The following LOXL2 variants were observed in gnomAD, a reference collection of about 807,000 sequenced individuals.
LOXL2 encodes the protein lysyl oxidase homolog 2.
LOXL2 carries 70 observed loss-of-function variants against 93.0 expected under a neutral mutation model. The observed-to-expected ratio is 0.75, with a 90% confidence interval of 0.62 to 0.92. LOXL2 has a LOEUF of 0.92. LOXL2 is among the 40% of genes least tolerant of loss of function. LOXL2 has a pLI of 0.00. For missense variants in LOXL2, 973 were observed against 1,054.9 expected (o/e 0.92, Z 1.08); for synonymous variants, 438 against 413.2 (o/e 1.06, Z -0.73).
intron 6 of LOXL2, among the ~76,000 whole-genome samples, chr8:23,324,966 C>G (rs1803552558): frequency 1.3e-5 from 2 of 152,178 alleles, no homozygotes; most frequent in African/African-American, 4.8e-5. Flanking sequence ...TTTCAAGCCA[C>G]TGCTGTAAAA....
intron 2 of LOXL2, among the ~76,000 whole-genome samples, chr8:23,366,847 T>C (rs553317348): frequency 6.6e-6 from 1 of 152,170 alleles, no homozygotes; most frequent in Non-Finnish European, 1.5e-5. Context: ...TCCACCCTTA[T>C]CTCTTTCCTA....
chr8:23,397,853 C>T (rs11778464), intron 1 of LOXL2, among the ~76,000 whole-genome samples: 6,692 of 147,800 alleles, frequency 0.045, 206 homozygotes, highest in Non-Finnish European at 0.071. Context: ...CCCAGCTACT[C>T]GGGAGGCTGA....
chr8:23,321,800 G>A, intron 7 of LOXL2: 1 of 276,132 alleles, frequency 3.6e-6, no homozygotes, highest in South Asian at 6.9e-5. Context: ...CAGCCAGGCT[G>A]CACCGTGTTT....
At chr8:23,375,876 A>G (rs1804579291) in intron 1 of LOXL2, among the ~76,000 whole-genome samples, 2 of 152,308 alleles carry the variant, frequency 1.3e-5, no homozygotes, top group East Asian at 3.9e-4. Flanking sequence ...AAATCATGTC[A>G]CCTGCAAACA....
chr8:23,310,395 A>G (rs1803305397), intron 9 of LOXL2, among the ~76,000 whole-genome samples: 1 of 152,254 alleles, frequency 6.6e-6, no homozygotes, highest in Non-Finnish European at 1.5e-5. Context: ...TGTATTTTCC[A>G]ACATGTATAA....
At chr8:23,309,101 C>T (rs1349531479) in intron 10 of LOXL2, among the ~76,000 whole-genome samples, 5 of 151,792 alleles carry the variant, frequency 3.3e-5, no homozygotes, top group African/African-American at 1.2e-4. Context: ...TCTCCTGCCT[C>T]AGCCTCCCAA....
At chr8:23,398,595 A>G (rs1800122872) in intron 1 of LOXL2, among the ~76,000 whole-genome samples, 2 of 152,142 alleles carry the variant, frequency 1.3e-5, no homozygotes, top group African/African-American at 4.8e-5. Flanking sequence ...CTGCCACAGA[A>G]AGTGCAAAAG....
chr8:23,328,617 G>A, intron 5 of LOXL2, 52 bp from the exon 6 acceptor site: 1 of 1,551,004 alleles, frequency 6.4e-7, no homozygotes, highest in Non-Finnish European at 8.9e-7. Context: ...ACGTTCAGCG[G>A]GTGACCACTG....
chr8:23,395,455 C>T (rs560722466), intron 1 of LOXL2, among the ~76,000 whole-genome samples: 12 of 152,008 alleles, frequency 7.9e-5, no homozygotes, highest in Admixed American at 6.5e-4. Flanking sequence ...CGGATATGGA[C>T]TTCTCTTTGT....
chr8:23,304,565 G>C (rs986873711), intron 10 of LOXL2, among the ~76,000 whole-genome samples: 3 of 152,220 alleles, frequency 2.0e-5, no homozygotes, highest in African/African-American at 7.2e-5. Flanking sequence ...TTTTGTTGCT[G>C]CAGGATCTGA....
intron 10 of LOXL2, among the ~76,000 whole-genome samples, chr8:23,305,540 C>A (rs961246145): frequency 6.9e-6 from 1 of 144,932 alleles, no homozygotes; most frequent in Non-Finnish European, 1.5e-5. Flanking sequence ...CCCACCCATT[C>A]CCCCCAGGAA....
intron 9 of LOXL2, among the ~76,000 whole-genome samples, chr8:23,314,215 C>A (rs1330240966): frequency 6.7e-6 from 1 of 150,334 alleles, no homozygotes; most frequent in Admixed American, 6.6e-5. Context: ...CTAGTTCAAC[C>A]ATTGTGGAAG....
intron 6 of LOXL2, 86 bp downstream of exon 6, chr8:23,328,296 C>A: frequency 6.9e-7 from 1 of 1,441,552 alleles, no homozygotes; most frequent in South Asian, 1.2e-5. Context: ...GAGGATTTCC[C>A]GAGAGCTCAC....
intron 1 of LOXL2, among the ~76,000 whole-genome samples, chr8:23,383,652 TTTTTG>T (rs1198645435): frequency 0.019 from 484 of 25,000 alleles, 33 homozygotes; most frequent in African/African-American, 0.12. Flanking sequence ...TTACGTTTTT[TTTTTG>T]TTTTTTTTTT....
chr8:23,317,939 T>C (rs1803428720), intron 8 of LOXL2, among the ~76,000 whole-genome samples: 1 of 149,378 alleles, frequency 6.7e-6, no homozygotes, highest in Non-Finnish European at 1.5e-5. Context: ...ACCATCAGGA[T>C]AGGAAGGGCC....
At chr8:23,396,979 G>A (rs1348859990) in intron 1 of LOXL2, among the ~76,000 whole-genome samples, 1 of 152,204 alleles carries the variant, frequency 6.6e-6, no homozygotes, top group African/African-American at 2.4e-5. Flanking sequence ...TGGAGGAGGA[G>A]ATAAACAAAT....
intron 7 of LOXL2, chr8:23,321,868 T>G (rs1585349291): frequency 2.3e-6 from 1 of 440,964 alleles, no homozygotes. Context: ...GGGGCAGAGG[T>G]GAGGTAACTC....
intron 2 of LOXL2, among the ~76,000 whole-genome samples, chr8:23,366,296 T>C (rs1035553669): frequency 3.3e-5 from 5 of 152,194 alleles, no homozygotes; most frequent in Non-Finnish European, 7.3e-5. Context: ...AAGCCCAGCA[T>C]TTGCTAACTT....
chr8:23,346,880 T>C (rs185544619), intron 3 of LOXL2, among the ~76,000 whole-genome samples: 78 of 152,276 alleles, frequency 5.1e-4, no homozygotes, highest in Admixed American at 1.4e-3. Context: ...TGGGAAGACA[T>C]AACATCATGC....
Sources: allele counts gnomAD v4.1 joint callset (sites outside exome capture counted in the v4.1 genomes callset), GRCh38; gene constraint gnomAD v4.1.1; transcripts MANE v1.5; gene names NCBI Gene and HGNC (gene_info 2026-07-23, HGNC 2026-07-21).